Variants in SCUBE2 observed in about 807,000 individuals in gnomAD.
SCUBE2 encodes signal peptide, CUB domain and EGF like domain containing 2.
A neutral mutation model predicts 125.9 loss-of-function variants in SCUBE2; 114 were observed. That is an observed-to-expected ratio of 0.91 (90% confidence interval 0.78 to 1.06). The LOEUF is 1.06. SCUBE2 is among the 50% of genes least tolerant of loss of function. SCUBE2 has a pLI of 0.00. For synonymous variants in SCUBE2, 459 were observed against 492.9 expected, an observed-to-expected ratio of 0.93 and a Z score of 0.91; for missense variants, 1,255 against 1,301.8, an observed-to-expected ratio of 0.96 and a Z score of 0.55.
intron 7 of SCUBE2, among the ~76,000 whole-genome samples, chr11:9,065,479 A>G (rs1860124136): frequency 6.6e-6 from 1 of 152,164 alleles, no homozygotes; most frequent in Non-Finnish European, 1.5e-5. Flanking sequence ...TGGAACTGTG[A>G]GTCAATTAAG....
Position 9,074,480 on chromosome 11 carries a change from C to A in SCUBE2, c.517+1G>T, listed in dbSNP as rs1346215619. 9 of 1,614,056 alleles carry A rather than the reference C, an allele frequency of 5.6e-6. No individual in the cohort carries two copies. Among genetic ancestry groups the A allele is most frequent in the Non-Finnish European group, 7.6e-6 (9 of 1,179,970 alleles). ...CCCCATCCACAGCTGGGCAGAGGTA[C>A]CTTCCGAGCGGTGAATGCAGGTGTG... On this transcript the variant is annotated splice_donor_variant, in intron 4 of 22. Coordinates refer to ENST00000649792, the MANE Select transcript of SCUBE2 (RefSeq NM_001367977.2). LOFTEE classifies it high-confidence loss of function.
chr11:9,059,418 A>C lies in SCUBE2; in HGVS notation c.975T>G (p.Asp325Glu). 1 of 1,614,014 alleles carries C rather than the reference A, an allele frequency of 6.2e-7. No individual in the cohort carries two copies. The highest frequency in any genetic ancestry group is 8.5e-7 in the Non-Finnish European group (1 of 1,179,890). ...AACCTCCATTGCGGGTCTGGCACTC[A>C]TCAATATCTGCAACAGGAAAGCATT... ...QLDGKTCKDIDECQTRNGGCD... is the reference protein window; with the variant it reads ...QLDGKTCKDIEECQTRNGGCD... The change falls in exon 9 of 23, where the codon GAT becomes GAG. Residue 325 changes from aspartate to glutamate, a missense_variant. Coordinates refer to ENST00000649792, the MANE Select transcript of SCUBE2 (RefSeq NM_001367977.2).
intron 2 of SCUBE2, among the ~76,000 whole-genome samples, chr11:9,087,166 A>T (rs1276765093): frequency 6.6e-6 from 1 of 152,204 alleles, no homozygotes; most frequent in African/African-American, 2.4e-5. Context: ...TTAACAATTC[A>T]ACTATAAACT....
At chr11:9,036,662 A>G (rs1228198530) in intron 16 of SCUBE2, among the ~76,000 whole-genome samples, 2 of 152,216 alleles carry the variant, frequency 1.3e-5, no homozygotes, top group Non-Finnish European at 2.9e-5. Context: ...GGTCTGTTCC[A>G]TCATGGTTCC....
chr11:9,022,026 G>T, intron 21 of SCUBE2, 71 bp from the exon 22 acceptor site: 1 of 1,166,458 alleles, frequency 8.6e-7, no homozygotes, highest in Non-Finnish European at 1.3e-6. Context: ...TTCACTTTTT[G>T]ATAAGGTTCT....
intron 21 of SCUBE2, 71 bp from the exon 22 acceptor site, chr11:9,022,026 G>C: frequency 8.6e-7 from 1 of 1,166,462 alleles, no homozygotes; most frequent in Admixed American, 1.7e-5. Context: ...TTCACTTTTT[G>C]ATAAGGTTCT....
chr11:9,041,268 G>C (rs1312212607), intron 16 of SCUBE2, among the ~76,000 whole-genome samples: 1 of 152,188 alleles, frequency 6.6e-6, no homozygotes, highest in Non-Finnish European at 1.5e-5. Context: ...GAGAATGTGT[G>C]TGTGTGCATT....
At chr11:9,029,467 G>A (rs1856091044) in intron 19 of SCUBE2, among the ~76,000 whole-genome samples, 1 of 152,218 alleles carries the variant, frequency 6.6e-6, no homozygotes, top group African/African-American at 2.4e-5. Context: ...TCGAGACAGA[G>A]TCAATCGCTC....
chr11:9,060,184 ACCT>A (rs1233852333), intron 8 of SCUBE2, among the ~76,000 whole-genome samples: 1 of 152,164 alleles, frequency 6.6e-6, no homozygotes, highest in Non-Finnish European at 1.5e-5. Context: ...GTAGAGGCTG[ACCT>A]CCTCAACAAT....
intron 10 of SCUBE2, among the ~76,000 whole-genome samples, chr11:9,054,382 C>T (rs1323240487): frequency 6.6e-6 from 1 of 152,138 alleles, no homozygotes; most frequent in Admixed American, 6.5e-5. Flanking sequence ...CAAACTCAGA[C>T]ACTGCACAGA....
Position 9,047,812 on chromosome 11 carries a change from G to C in SCUBE2, c.1795+131C>G, listed in dbSNP as rs546887395. 174 of 1,158,230 alleles carry C rather than the reference G, an allele frequency of 1.5e-4. 1 individual carries two copies. The highest frequency in any genetic ancestry group is 2.0e-4 in the Non-Finnish European group (162 of 813,222). The allele number at this position is 1,158,230 out of a possible 1,614,324, so 71.7% of individuals were successfully genotyped here. On this transcript the variant is annotated intron_variant, in intron 15 of 22. Coordinates refer to ENST00000649792, the MANE Select transcript of SCUBE2 (RefSeq NM_001367977.2). ...TTCCAAACCAATTCAGTTTAGTTTCGGGGTGAAAAAAAACAGGAGATACTT... is the reference window on the plus strand; with the variant it reads ...TTCCAAACCAATTCAGTTTAGTTTCCGGGTGAAAAAAAACAGGAGATACTT...
rs144078968 is a variant in SCUBE2 at position 9,033,658 on chromosome 11, G to T, written c.2141C>A (p.Thr714Asn). The T allele has an allele frequency of 2.5e-6, 4 of 1,614,100 alleles. No homozygotes were observed. The African/African-American group carries it at 5.3e-5, about 22-fold the overall frequency. ...PRPGNSGALK[T>N]PEAWNMSECG... Reference sequence around the variant, plus strand: ...TTCAGACATATTCCAAGCTTCTGGGGTCTTCAGGGCCCCAGAATTTCCTGG... The same window carrying T: ...TTCAGACATATTCCAAGCTTCTGGGTTCTTCAGGGCCCCAGAATTTCCTGG... The change falls in exon 17 of 23, where the codon ACC becomes AAC. Residue 714 changes from threonine (T) to asparagine (N), a missense_variant. Transcript: ENST00000649792.
Position 9,033,730 on chromosome 11 carries a change from G to A in SCUBE2, c.2069C>T (p.Thr690Ile), listed in dbSNP as rs143295447. 179 of 1,614,124 alleles carry A rather than the reference G, an allele frequency of 1.1e-4. No homozygotes were observed. Among genetic ancestry groups the A allele is most frequent in the East Asian group, 1.0e-3 (47 of 44,882 alleles). Reference protein sequence around the residue: ...RERCILCPNGTFQNEEGQMTC... With the variant: ...RERCILCPNGIFQNEEGQMTC... ...CATTTGTCCTTCCTCATTTTGGAAG[G>A]TTCCATTTGGACATAAAATGCAGCG... Residue 690 changes from threonine to isoleucine, a missense_variant, in exon 17 of 23, where the codon ACC (threonine) becomes ATC (isoleucine). Physicochemically the swap from Thr to Ile is moderately conservative, Grantham distance 89. Transcript: ENST00000649792.
rs745750904 is a variant in SCUBE2 at position 9,030,056 on chromosome 11, AG to A, written c.2342-12del. ...CAGGTGAACATTGAACTGTGGGTCA[AG>A]GGAGGGTGAAAAGAATGAAAAAAAG... is the stretch of plus-strand genomic sequence containing the variant. On this transcript the variant is annotated splice_polypyrimidine_tract_variant and intron_variant, in intron 18 of 22. Coordinates refer to ENST00000649792, the MANE Select transcript of SCUBE2 (RefSeq NM_001367977.2). The A allele has an allele frequency of 3.3e-5, 53 of 1,607,438 alleles. No homozygotes were observed. In the Middle Eastern group the frequency reaches 8.3e-4, roughly 25 times the overall value.
At position 9,053,640 on chromosome 11, in the gene SCUBE2, C is replaced by T. The variant is rs774068799; in HGVS notation, c.1327G>A (p.Val443Met). ...TCTGTGCCTCGGTTCCCCTTACCCA[C>T]ACAGTCTTTTTTATTCCAGTGGAGC... ...YKLHWNKKDC[V>M]EVKGLLPTSV... The change falls in exon 11 of 23, where the codon GTG (valine) becomes ATG (methionine). Residue 443 changes from valine (V) to methionine (M), a missense_variant. Coordinates refer to ENST00000649792, the MANE Select transcript of SCUBE2 (RefSeq NM_001367977.2). 26 of 1,613,908 alleles carry T rather than the reference C, an allele frequency of 1.6e-5. No individual in the cohort carries two copies. Among genetic ancestry groups the T allele is most frequent in the African/African-American group, 5.3e-5 (4 of 74,946 alleles).
chr11:9,056,509 T>C (rs946367288), intron 9 of SCUBE2, among the ~76,000 whole-genome samples: 1 of 152,164 alleles, frequency 6.6e-6, no homozygotes, highest in Non-Finnish European at 1.5e-5. Context: ...CCCTGAAATG[T>C]GGTAGTTCAG....
At chr11:9,056,862 C>T (rs574055089) in intron 9 of SCUBE2, among the ~76,000 whole-genome samples, 7 of 152,176 alleles carry the variant, frequency 4.6e-5, no homozygotes, top group East Asian at 1.9e-4. Flanking sequence ...TTTTCAACAC[C>T]GAGTGTGCCA....
In SCUBE2 at chr11:9,019,754, G is replaced by A. The variant is rs1213947080; in HGVS notation, c.*1291C>T. Among the ~76,000 whole-genome samples the A allele has an allele frequency of 3.3e-5, 5 of 152,182 alleles. No individual in the cohort carries two copies. Among genetic ancestry groups the A allele is most frequent in the Admixed American group, 3.3e-4 (5 of 15,270 alleles). On this transcript the variant is annotated 3_prime_UTR_variant, in exon 23 of 23. Transcript: ENST00000649792. ...TGGTATGGAGAATTGGCTGTGCATA[G>A]AATTGTTATTGAAATAACAAAACAC... is the stretch of plus-strand genomic sequence containing the variant.
At chr11:9,027,316 C>T in intron 20 of SCUBE2, 48 bp downstream of exon 20, 1 of 1,593,716 alleles carries the variant, frequency 6.3e-7, no homozygotes, top group Non-Finnish European at 8.6e-7. Context: ...AGCAGGTCAT[C>T]AGGCTTCCCA....
Sources: gnomAD v4.1 joint callset for allele counts (sites outside exome capture counted in the v4.1 genomes callset) on GRCh38, gnomAD v4.1.1 for gene constraint, MANE v1.5 for transcripts, NCBI Gene and HGNC (gene_info 2026-07-23, HGNC 2026-07-21) for gene names.